Variants in SEL1L3 observed in about 807,000 individuals in gnomAD.
The protein encoded by SEL1L3 is SEL1L family member 3.
In SEL1L3, 76 loss-of-function variants were observed where a neutral mutation model predicts 142.8. The ratio of observed to expected loss-of-function variants is 0.53; its 90% CI spans 0.44 to 0.64. SEL1L3 has a LOEUF of 0.64. Ranked by LOEUF, SEL1L3 falls within the 30% of genes least tolerant of loss-of-function variation. The pLI is 0.00. For synonymous variants in SEL1L3, 504 were observed against 519.6 expected, an observed-to-expected ratio of 0.97 and a Z score of 0.41; for missense variants, 1,262 against 1,381.7, an observed-to-expected ratio of 0.91 and a Z score of 1.37.
intron 5 of SEL1L3, among the ~76,000 whole-genome samples, chr4:25,832,706 A>G (rs114171457): frequency 0.01 from 1,543 of 152,326 alleles, 27 homozygotes; most frequent in African/African-American, 0.035. Context: ...TCCCCAGGAG[A>G]AAAGGACTGA....
chr4:25,829,240 T>C (rs960498755), intron 6 of SEL1L3, among the ~76,000 whole-genome samples: 2 of 152,244 alleles, frequency 1.3e-5, no homozygotes, highest in African/African-American at 4.8e-5. Context: ...CCCAAAGCGC[T>C]GGGATTACAG....
Position 25,835,331 on chromosome 4 carries a change from C to T in SEL1L3, c.734-8G>A. The T allele has an allele frequency of 6.2e-7, 1 of 1,613,122 alleles. No homozygotes were observed. The highest frequency in any genetic ancestry group is 8.5e-7 in the Non-Finnish European group (1 of 1,179,362). On this transcript the variant is annotated splice_polypyrimidine_tract_variant and splice_region_variant and intron_variant, in intron 2 of 23. Transcript: ENST00000399878. ...CAAGCAGGGCAACCACATCTGCAAA[C>T]AGCAAAATGGCTCCCTTTCAATTAT... is the stretch of plus-strand genomic sequence containing the variant.
intron 11 of SEL1L3, among the ~76,000 whole-genome samples, chr4:25,793,460 A>AT (rs1712498984): frequency 1.3e-5 from 2 of 151,346 alleles, no homozygotes; most frequent in Admixed American, 1.3e-4. Flanking sequence ...TTTTTTTTGT[A>AT]TTTTTTGTAG....
intron 1 of SEL1L3, among the ~76,000 whole-genome samples, chr4:25,857,844 G>T (rs1438121365): frequency 6.6e-6 from 1 of 152,230 alleles, no homozygotes; most frequent in Admixed American, 6.5e-5. Flanking sequence ...TCTTGAAAGG[G>T]TTGGGGCTAA....
At chr4:25,850,292 G>A (rs1716796874) in intron 1 of SEL1L3, among the ~76,000 whole-genome samples, 1 of 152,122 alleles carries the variant, frequency 6.6e-6, no homozygotes, top group Admixed American at 6.5e-5. Context: ...TTAGAAACAA[G>A]GCTAACAATT....
At chr4:25,851,844 G>A (rs1017274964) in intron 1 of SEL1L3, among the ~76,000 whole-genome samples, 4 of 147,446 alleles carry the variant, frequency 2.7e-5, no homozygotes, top group African/African-American at 5.1e-5. Context: ...AGCCGATATC[G>A]TGCCACTGCA....
At chr4:25,808,745 T>C (rs1713774198) in intron 9 of SEL1L3, among the ~76,000 whole-genome samples, 1 of 139,802 alleles carries the variant, frequency 7.2e-6, no homozygotes, top group Admixed American at 7.5e-5. Flanking sequence ...CTCATTGGGC[T>C]CACAGCCTGC....
intron 11 of SEL1L3, among the ~76,000 whole-genome samples, chr4:25,793,928 G>A (rs944368417): frequency 2.0e-5 from 3 of 152,198 alleles, no homozygotes; most frequent in Admixed American, 2.0e-4. Context: ...ATGGAGAAAG[G>A]ATTCCCTATT....
At chr4:25,856,736 A>C (rs1717291381) in intron 1 of SEL1L3, among the ~76,000 whole-genome samples, 1 of 152,222 alleles carries the variant, frequency 6.6e-6, no homozygotes, top group African/African-American at 2.4e-5. Flanking sequence ...GGATGGAAAA[A>C]TAAAACTATC....
intron 2 of SEL1L3, among the ~76,000 whole-genome samples, chr4:25,843,262 G>A (rs1460977850): frequency 6.6e-6 from 1 of 150,994 alleles, no homozygotes; most frequent in Non-Finnish European, 1.5e-5. Context: ...CAATCACCTT[G>A]CACTGGCTGC....
chr4:25,847,009 T>C (rs999902448), intron 2 of SEL1L3, among the ~76,000 whole-genome samples: 1 of 151,182 alleles, frequency 6.6e-6, no homozygotes, highest in Non-Finnish European at 1.5e-5. Flanking sequence ...GCATGAATAC[T>C]CCTTTCCAGC....
the SEL1L3 span, among the ~76,000 whole-genome samples, chr4:25,721,470 A>C: frequency 2.0e-5 from 3 of 152,100 alleles, no homozygotes; most frequent in Non-Finnish European, 4.4e-5. Context: ...AAAGATAGAA[A>C]AAAAATACAC....
Position 25,748,567 on chromosome 4 carries a change from G to A in SEL1L3, c.3260-3C>T. The A allele has an allele frequency of 6.2e-7, 1 of 1,608,068 alleles. No individual in the cohort carries two copies. Among genetic ancestry groups the A allele is most frequent in the Non-Finnish European group, 8.5e-7 (1 of 1,177,562 alleles). On this transcript the variant is annotated splice_polypyrimidine_tract_variant and splice_region_variant and intron_variant, in intron 23 of 23. Coordinates refer to ENST00000399878, the MANE Select transcript of SEL1L3 (RefSeq NM_015187.5). ...TGGTCTTGGAGGGGGATCGCTTGCTGCAGAGACACATGCACAACAGGTGCT... is the reference window on the plus strand; with the variant it reads ...TGGTCTTGGAGGGGGATCGCTTGCTACAGAGACACATGCACAACAGGTGCT...
the SEL1L3 span, among the ~76,000 whole-genome samples, chr4:25,728,860 CAAA>C: frequency 4.0e-4 from 38 of 95,106 alleles, no homozygotes; most frequent in Admixed American, 6.2e-4. Context: ...AGACTTGTGT[CAAA>C]AAAAAAAAAA....
At position 25,813,586 on chromosome 4, in the gene SEL1L3, A is replaced by T. The variant is rs748354715; in HGVS notation, c.1564+4552T>A. ...GGGGGCAATGGGGAGACGTTTACTG[A>T]GTATGGATTTTCAGTTTTGCAAGAA... On this transcript the variant is annotated intron_variant, in intron 9 of 23. Coordinates refer to ENST00000399878, the MANE Select transcript of SEL1L3 (RefSeq NM_015187.5). Among the ~76,000 whole-genome samples, 41 of 152,180 alleles carry T rather than the reference A, an allele frequency of 2.7e-4. 1 individual carries two copies. Among genetic ancestry groups the T allele is most frequent in the Non-Finnish European group, 5.3e-4 (36 of 68,028 alleles).
chr4:25,827,208 C>T (rs989714407), intron 6 of SEL1L3, among the ~76,000 whole-genome samples: 1 of 152,140 alleles, frequency 6.6e-6, no homozygotes, highest in Admixed American at 6.5e-5. Flanking sequence ...CCCCTCCTCC[C>T]ACCAAATTCA....
At chr4:25,837,461 C>A (rs1715907160) in intron 2 of SEL1L3, among the ~76,000 whole-genome samples, 1 of 151,266 alleles carries the variant, frequency 6.6e-6, no homozygotes, top group Non-Finnish European at 1.5e-5. Flanking sequence ...TGAGCTCTTC[C>A]CTGTCCAAAG....
At chr4:25,714,476 C>T in the SEL1L3 span, among the ~76,000 whole-genome samples, 1 of 126,932 alleles carries the variant, frequency 7.9e-6, no homozygotes, top group South Asian at 2.4e-4. Context: ...AATAAAATTG[C>T]TTTCTTTCTT....
chr4:25,862,524 G>A, intron 1 of SEL1L3, 151 bp downstream of exon 1: 1 of 386,028 alleles, frequency 2.6e-6, no homozygotes, highest in East Asian at 4.3e-5. Flanking sequence ...ACCTATCCCA[G>A]GTGCCGGGAA....
Sources: gnomAD v4.1 joint callset for allele counts (sites outside exome capture counted in the v4.1 genomes callset) on GRCh38, gnomAD v4.1.1 for gene constraint, MANE v1.5 for transcripts, NCBI Gene and HGNC (gene_info 2026-07-23, HGNC 2026-07-21) for gene names.